The following TAF3 variants were observed in gnomAD, a reference collection of about 807,000 sequenced individuals.
The protein encoded by TAF3 is transcription initiation factor TFIID subunit 3.
In TAF3, 7 loss-of-function variants were observed where a neutral mutation model predicts 80.6. That is an observed-to-expected ratio of 0.09 (90% CI 0.05 to 0.16). The LOEUF is 0.16. Among genes scored for constraint, TAF3 ranks in the 10% least tolerant of loss-of-function variants. TAF3 has a pLI of 1.00. For synonymous variants in TAF3, 444 were observed against 446.1 expected, an observed-to-expected ratio of 1.00 and a Z score of 0.06; for missense variants, 921 against 1,140.2, an observed-to-expected ratio of 0.81 and a Z score of 2.77.
chr10:7,957,653 T>TG (rs1393317927), intron 2 of TAF3, among the ~76,000 whole-genome samples: 4 of 152,194 alleles, frequency 2.6e-5, no homozygotes, highest in Non-Finnish European at 4.4e-5. Flanking sequence ...TATTTGTTTC[T>TG]CACATATGTA....
Position 8,009,348 on chromosome 10 carries a change from G to C in TAF3, c.2568+18G>C. 6.3e-7 allele frequency: 1 copy of C among 1,584,592 alleles called. No individual in the cohort carries two copies. The highest frequency in any genetic ancestry group is 8.6e-7 in the Non-Finnish European group (1 of 1,165,350). ...CCTACGTGGTGCGTACCTGCCGCCC[G>C]CGCGGTTAGCATGGAGACGTTTTCA... On this transcript the variant is annotated intron_variant, in intron 5 of 6. Transcript: ENST00000344293. The surrounding 1 kb of genome is among the most constrained non-coding windows in gnomAD (Gnocchi z 4.1).
chr10:7,874,436 C>G (rs1837295838), intron 2 of TAF3, among the ~76,000 whole-genome samples: 2 of 152,006 alleles, frequency 1.3e-5, no homozygotes, highest in South Asian at 4.1e-4. Flanking sequence ...AATCAGATTT[C>G]TGCTTCTTCA....
At chr10:7,908,419 G>A (rs1034247942) in intron 2 of TAF3, among the ~76,000 whole-genome samples, 4 of 152,134 alleles carry the variant, frequency 2.6e-5, no homozygotes, top group Non-Finnish European at 5.9e-5. Flanking sequence ...TTAAGCATTG[G>A]CAACTTTAAA....
intron 2 of TAF3, among the ~76,000 whole-genome samples, chr10:7,855,821 C>G (rs942086578): frequency 6.6e-6 from 1 of 151,996 alleles, no homozygotes; most frequent in Non-Finnish European, 1.5e-5. Flanking sequence ...GTGGCTCACA[C>G]CTGTAATCCC....
intron 4 of TAF3, among the ~76,000 whole-genome samples, chr10:7,984,122 T>C (rs1452749924): frequency 6.6e-6 from 1 of 152,166 alleles, no homozygotes; most frequent in Non-Finnish European, 1.5e-5. Context: ...CCCAAACCCA[T>C]AGATCTTCAT....
chr10:7,863,670 C>CACACACATATATATATACACAT (rs1837174652), intron 2 of TAF3, among the ~76,000 whole-genome samples: 1 of 52,276 alleles, frequency 1.9e-5, no homozygotes. Flanking sequence ...TATATATACA[C>CACACACATATATATATACACAT]ACATATATAT....
At chr10:7,902,610 T>C (rs751126059) in intron 2 of TAF3, among the ~76,000 whole-genome samples, 3 of 152,142 alleles carry the variant, frequency 2.0e-5, no homozygotes, top group Non-Finnish European at 4.4e-5. Context: ...TCAGGCTCTC[T>C]GGGTGCTGGG....
At chr10:7,988,580 A>G (rs1438200859) in intron 4 of TAF3, among the ~76,000 whole-genome samples, 1 of 116,936 alleles carries the variant, frequency 8.6e-6, no homozygotes. Flanking sequence ...CTCAAAAAAA[A>G]AAAAAAAAAA....
chr10:7,877,756 G>A (rs1448847239), intron 2 of TAF3, among the ~76,000 whole-genome samples: 1 of 152,180 alleles, frequency 6.6e-6, no homozygotes, highest in East Asian at 1.9e-4. Flanking sequence ...GATCTTAAAA[G>A]CTCATTAGTG....
intron 4 of TAF3, among the ~76,000 whole-genome samples, chr10:8,002,125 T>A (rs577379928): frequency 2.0e-5 from 3 of 152,332 alleles, no homozygotes; most frequent in African/African-American, 7.2e-5. Context: ...CACAACTCTC[T>A]TCTTCCTATC....
intron 3 of TAF3, among the ~76,000 whole-genome samples, chr10:7,973,835 A>G (rs557952600): frequency 6.6e-6 from 1 of 152,316 alleles, no homozygotes; most frequent in African/African-American, 2.4e-5. Context: ...CATTTAAAAA[A>G]TATATTGGAG....
intron 2 of TAF3, among the ~76,000 whole-genome samples, chr10:7,842,915 T>C (rs1320910032): frequency 6.6e-6 from 1 of 152,252 alleles, no homozygotes; most frequent in Non-Finnish European, 1.5e-5. Flanking sequence ...CATACTTTGT[T>C]TTCTGAAGAA....
chr10:7,946,891 C>A (rs1482281535), intron 2 of TAF3, among the ~76,000 whole-genome samples: 1 of 152,082 alleles, frequency 6.6e-6, no homozygotes, highest in Non-Finnish European at 1.5e-5. Flanking sequence ...GGAATACTTA[C>A]CCTACTCGTT....
At position 8,009,757 on chromosome 10, in the gene TAF3, G is replaced by T. The variant is rs1033316986; in HGVS notation, c.2568+427G>T. 2.6e-5 allele frequency among the ~76,000 whole-genome samples: 4 copies of T among 151,972 alleles called. No homozygotes were observed. The highest frequency in any genetic ancestry group is 6.6e-5 in the Admixed American group (1 of 15,246). ...CTGCCTCAGCCTCCTGAGTAGCTGG[G>T]ATTACAGGCACGTGCCACCACACCT... On this transcript the variant is annotated intron_variant, in intron 5 of 6. Coordinates refer to ENST00000344293, the MANE Select transcript of TAF3 (RefSeq NM_031923.4). The surrounding 1 kb of genome is among the most constrained non-coding windows in gnomAD (Gnocchi z 4.1).
intron 2 of TAF3, among the ~76,000 whole-genome samples, chr10:7,942,802 A>AT (rs1320484206): frequency 5.3e-5 from 8 of 151,974 alleles, no homozygotes; most frequent in South Asian, 4.2e-4. Context: ...AGTTAAAAAA[A>AT]TTTTTTTTTG....
At chr10:7,989,214 G>A (rs1434791369) in intron 4 of TAF3, among the ~76,000 whole-genome samples, 1 of 151,998 alleles carries the variant, frequency 6.6e-6, no homozygotes, top group Non-Finnish European at 1.5e-5. Context: ...GAGACACGGT[G>A]GCTCTGATTG....
intron 2 of TAF3, among the ~76,000 whole-genome samples, chr10:7,842,394 A>T (rs754906442): frequency 6.6e-6 from 1 of 152,032 alleles, no homozygotes; most frequent in Non-Finnish European, 1.5e-5. Context: ...TGCAAGGCTC[A>T]ACCAGTCTTC....
At chr10:7,911,866 G>A in intron 2 of TAF3, among the ~76,000 whole-genome samples, 1 of 152,000 alleles carries the variant, frequency 6.6e-6, no homozygotes, top group East Asian at 1.9e-4. Context: ...TCCTTTTTCA[G>A]GACTCCTTTC....
intron 2 of TAF3, among the ~76,000 whole-genome samples, chr10:7,916,090 G>A (rs1196762616): frequency 6.6e-6 from 1 of 152,248 alleles, no homozygotes; most frequent in South Asian, 2.1e-4. Context: ...AAATGTTTTA[G>A]TGTAGCTCCA....
Sources: gnomAD v4.1 joint callset for allele counts (sites outside exome capture counted in the v4.1 genomes callset) on GRCh38, gnomAD v4.1.1 for gene constraint, Gnocchi (gnomAD v3.1) non-coding constraint, MANE v1.5 for transcripts, NCBI Gene and HGNC (gene_info 2026-07-23, HGNC 2026-07-21) for gene names.